The following DOCK3 variants were observed in gnomAD, a reference collection of about 807,000 sequenced individuals.
DOCK3 encodes dedicator of cytokinesis protein 3.
In DOCK3, 60 loss-of-function variants were observed where a neutral mutation model predicts 265.6. That is an observed-to-expected ratio of 0.23 (90% CI 0.18 to 0.28). DOCK3 has a LOEUF of 0.28. DOCK3 is among the 10% of genes least tolerant of loss of function. The pLI is 1.00. For missense variants in DOCK3, 1,981 were observed against 2,594.3 expected, an observed-to-expected ratio of 0.76 and a Z score of 5.14; for synonymous variants, 881 against 938.0, an observed-to-expected ratio of 0.94 and a Z score of 1.11.
At chr3:51,311,983 T>C (rs2083089050) in intron 28 of DOCK3, 21 bp from the exon 29 acceptor site, 2 of 1,558,946 alleles carry the variant, frequency 1.3e-6, no homozygotes. Flanking sequence ...ATTCTGCCAA[T>C]GCCTTGTTTC....
chr3:50,690,020 G>A (rs977186294), intron 1 of DOCK3, among the ~76,000 whole-genome samples: 1 of 151,914 alleles, frequency 6.6e-6, no homozygotes, highest in Non-Finnish European at 1.5e-5. Flanking sequence ...TACTTGTGGT[G>A]TCATGCTACG....
At chr3:51,039,905 T>TA (rs2080414873) in intron 5 of DOCK3, among the ~76,000 whole-genome samples, 1 of 93,080 alleles carries the variant, frequency 1.1e-5, no homozygotes, top group Non-Finnish European at 2.2e-5. Flanking sequence ...TTTTTTTTTT[T>TA]AACATATAAG....
rs2079179897 is a variant in DOCK3 at position 51,250,862 on chromosome 3, TTTTG to T, written c.2184+4059_2184+4062del. On this transcript the variant is annotated intron_variant, in intron 22 of 52. Transcript: ENST00000266037. ...GCTTGGGTTTTGTTTTTGCTTTTGT[TTTTG>T]TTTTTTTATTATTGTTATTATACTT... Among the ~76,000 whole-genome samples, 3 of 152,180 alleles carry T rather than the reference TTTTG, an allele frequency of 2.0e-5. No individual in the cohort carries two copies. The South Asian group carries it at 6.2e-4, about 31-fold the overall frequency.
intron 6 of DOCK3, 124 bp from the exon 7 acceptor site, chr3:51,075,232 T>A: frequency 1.4e-6 from 1 of 700,112 alleles, no homozygotes. Flanking sequence ...AAAGACATGT[T>A]CCTGCTAGGA....
chr3:51,315,843 C>T (rs1046597470), intron 32 of DOCK3, among the ~76,000 whole-genome samples: 4 of 151,998 alleles, frequency 2.6e-5, no homozygotes, highest in Non-Finnish European at 4.4e-5. Context: ...TCCCAGGAAA[C>T]CTCTAGGGGA....
intron 1 of DOCK3, among the ~76,000 whole-genome samples, chr3:50,731,962 C>G (rs2038239322): frequency 6.6e-6 from 1 of 151,816 alleles, no homozygotes; most frequent in Non-Finnish European, 1.5e-5. Context: ...TATTAGAAAA[C>G]TGTAGACAAT....
rs556695483 is a variant in DOCK3, at chr3:51,296,666, T to C, written c.2923-13566T>C. ...TATTTTTTTGTATTTTTAGTAGAGA[T>C]GGGGTTTCACTGTGTTAGCCAGGAT... is the stretch of plus-strand genomic sequence containing the variant. On this transcript the variant is annotated intron_variant, in intron 27 of 52. Coordinates refer to ENST00000266037, the MANE Select transcript of DOCK3 (RefSeq NM_004947.5). 5.9e-5 allele frequency among the ~76,000 whole-genome samples: 9 copies of C among 151,996 alleles called. No homozygotes were observed. In the East Asian group the frequency reaches 7.8e-4, roughly 13 times the overall value.
chr3:51,138,331 G>A (rs1479645351), intron 9 of DOCK3, among the ~76,000 whole-genome samples: 1 of 152,058 alleles, frequency 6.6e-6, no homozygotes, highest in African/African-American at 2.4e-5. Flanking sequence ...ATAAATAAAC[G>A]GGTATATAAA....
rs114933585 is a variant in DOCK3 at position 50,792,180 on chromosome 3, C to G, written c.121+13422C>G. 8.8e-3 allele frequency among the ~76,000 whole-genome samples: 1,292 copies of G among 147,398 alleles called. 23 individuals are homozygous for G. The highest frequency in any genetic ancestry group is 0.031 in the African/African-American group (1,232 of 40,126). On this transcript the variant is annotated intron_variant, in intron 2 of 52. Coordinates refer to ENST00000266037, the MANE Select transcript of DOCK3 (RefSeq NM_004947.5). Reference sequence around the variant, plus strand: ...CTTTTTGTAGACGTCTTTCACTTCTCTGGTTAGCTATATTTCTAGGTATTT... The same window carrying G: ...CTTTTTGTAGACGTCTTTCACTTCTGTGGTTAGCTATATTTCTAGGTATTT...
At chr3:50,887,110 T>A (rs949630160) in intron 3 of DOCK3, among the ~76,000 whole-genome samples, 1 of 151,856 alleles carries the variant, frequency 6.6e-6, no homozygotes. Flanking sequence ...ATTGATAGAC[T>A]GCTAGCAAGA....
intron 49 of DOCK3, among the ~76,000 whole-genome samples, chr3:51,369,669 C>T (rs2110473244): frequency 6.6e-6 from 1 of 152,156 alleles, no homozygotes; most frequent in East Asian, 1.9e-4. Flanking sequence ...GAGAAGCCCA[C>T]AGTAGGAGTG....
chr3:50,743,595 G>A (rs2039222450), intron 1 of DOCK3, among the ~76,000 whole-genome samples: 2 of 151,816 alleles, frequency 1.3e-5, no homozygotes, highest in African/African-American at 4.8e-5. Flanking sequence ...AAGAGACAAG[G>A]CCATTACATA....
chr3:50,757,002 A>C (rs1469820246), intron 1 of DOCK3, among the ~76,000 whole-genome samples: 2 of 151,844 alleles, frequency 1.3e-5, no homozygotes, highest in Non-Finnish European at 2.9e-5. Context: ...CTGGGACTGC[A>C]GGTACACCTC....
chr3:51,170,948 A>G (rs1482579976), intron 12 of DOCK3, among the ~76,000 whole-genome samples: 3 of 151,930 alleles, frequency 2.0e-5, no homozygotes, highest in African/African-American at 7.3e-5. Context: ...TCTCAAAAAA[A>G]AAAAAAAAAA....
chr3:51,320,674 G>A (rs1315681571), intron 32 of DOCK3, among the ~76,000 whole-genome samples: 1 of 152,176 alleles, frequency 6.6e-6, no homozygotes, highest in Admixed American at 6.5e-5. Flanking sequence ...GCTTGAGTAG[G>A]CAGTTTTACC....
chr3:50,881,865 A>G (rs1272289356), intron 3 of DOCK3, among the ~76,000 whole-genome samples: 1 of 152,210 alleles, frequency 6.6e-6, no homozygotes, highest in Non-Finnish European at 1.5e-5. Flanking sequence ...ATTTCAGACT[A>G]TACTACAAGT....
intron 40 of DOCK3, among the ~76,000 whole-genome samples, chr3:51,354,501 C>T (rs1043159052): frequency 1.3e-5 from 2 of 152,176 alleles, no homozygotes; most frequent in Non-Finnish European, 2.9e-5. Flanking sequence ...CTGGTTGTCA[C>T]GGTACCCACA....
At chr3:51,218,270 A>C (rs946259145) in intron 14 of DOCK3, among the ~76,000 whole-genome samples, 1 of 151,844 alleles carries the variant, frequency 6.6e-6, no homozygotes, top group African/African-American at 2.4e-5. Flanking sequence ...CCCATCTCTA[A>C]AAAAAATGCA....
intron 15 of DOCK3, among the ~76,000 whole-genome samples, chr3:51,225,977 C>T (rs914825200): frequency 2.6e-5 from 4 of 152,152 alleles, no homozygotes; most frequent in African/African-American, 9.7e-5. Flanking sequence ...AGAAATTTAT[C>T]CTAGTGTCTG....
Sources: allele counts gnomAD v4.1 joint callset (sites outside exome capture counted in the v4.1 genomes callset), GRCh38; gene constraint gnomAD v4.1.1; transcripts MANE v1.5; gene names NCBI Gene and HGNC (gene_info 2026-07-23, HGNC 2026-07-21).